The following CA12 variants were observed in gnomAD, a reference collection of about 807,000 sequenced individuals.
CA12 encodes the protein carbonate dehydratase XII.
A neutral mutation model predicts 46.8 loss-of-function variants in CA12; 36 were observed. The observed-to-expected ratio is 0.77, with a 90% CI of 0.59 to 1.02. The LOEUF is 1.02. CA12 is among the 50% of genes least tolerant of loss of function. The probability of loss-of-function intolerance (pLI) is 0.00; values close to 1 mark genes in which losing one functional copy is unlikely to be tolerated. For synonymous variants in CA12, 202 were observed against 187.0 expected (o/e 1.08, Z -0.65); for missense variants, 436 against 451.4 (o/e 0.97, Z 0.31).
At position 63,374,111 on chromosome 15, in the gene CA12, C is replaced by G. The variant is rs1281796742; in HGVS notation, c.106+1547G>C. On this transcript the variant is annotated intron_variant, in intron 2 of 10. Transcript: ENST00000178638. The surrounding 1 kb of genome is among the most constrained non-coding windows in gnomAD (Gnocchi z 4.4). Reference sequence around the variant, plus strand: ...CCTAAAACACAGACTTACTCCCTGCCCTGCCCCTCCAGGAGCAGGACAAAG... The same window carrying G: ...CCTAAAACACAGACTTACTCCCTGCGCTGCCCCTCCAGGAGCAGGACAAAG... Among the ~76,000 whole-genome samples, 1 of 152,154 alleles carries G rather than the reference C, an allele frequency of 6.6e-6. No individual in the cohort carries two copies. The highest frequency in any genetic ancestry group is 1.5e-5 in the Non-Finnish European group (1 of 68,032).
chr15:63,340,469 G>T lies in CA12; in HGVS notation c.590-24C>A, dbSNP rs1451769957. On this transcript the variant is annotated intron_variant, in intron 6 of 10. Transcript: ENST00000178638. This position sits in a 1 kb window ranked among gnomAD's most constrained non-coding sequence, Gnocchi z 4.4. Reference sequence around the variant, plus strand: ...GCCTAGAGAGACATGTTGCAGAGGTGATAGTGTCAGCCTCCCTCCGTAGGG... The same window carrying T: ...GCCTAGAGAGACATGTTGCAGAGGTTATAGTGTCAGCCTCCCTCCGTAGGG... 1 of 1,613,928 alleles carries T rather than the reference G, an allele frequency of 6.2e-7. No individual in the cohort carries two copies. Among genetic ancestry groups the T allele is most frequent in the Non-Finnish European group, 8.5e-7 (1 of 1,179,924 alleles).
rs368213519 is a variant in CA12 at position 63,381,735 on chromosome 15, G to A, written c.-15C>T. 2 of 1,561,790 alleles carry A rather than the reference G, an allele frequency of 1.3e-6. No homozygotes were observed. The highest frequency in any genetic ancestry group is 1.7e-6 in the Non-Finnish European group (2 of 1,152,864). Reference sequence around the variant, plus strand: ...CGCCGGGGCATCTTCGCGGGCTCCTGCGGGGCGGGCGCGGGCTGTGCCGGG... The same window carrying A: ...CGCCGGGGCATCTTCGCGGGCTCCTACGGGGCGGGCGCGGGCTGTGCCGGG... On this transcript the variant is annotated 5_prime_UTR_variant, in exon 1 of 11. Transcript: ENST00000178638.
intron 4 of CA12, among the ~76,000 whole-genome samples, chr15:63,344,447 A>G (rs2039119815): frequency 6.6e-6 from 1 of 152,224 alleles, no homozygotes; most frequent in African/African-American, 2.4e-5. Context: ...CACCTTCTTT[A>G]TTCCCCATGG....
At position 63,339,386 on chromosome 15, in the gene CA12, C is replaced by A. The variant is rs1288765913; in HGVS notation, c.748-441G>T. On this transcript the variant is annotated intron_variant, in intron 7 of 10. Transcript: ENST00000178638. The surrounding 1 kb of genome is among the most constrained non-coding windows in gnomAD (Gnocchi z 4.3). ...ATAAAGGAGGGAGTTAAGAGTTTCA[C>A]AGGCCATCTGATTGCGGGTTCCATG... Among the ~76,000 whole-genome samples, 1 of 152,192 alleles carries A rather than the reference C, an allele frequency of 6.6e-6. No homozygotes were observed. Among genetic ancestry groups the A allele is most frequent in the Non-Finnish European group, 1.5e-5 (1 of 68,036 alleles).
Position 63,322,116 on chromosome 15 carries a change from C to T in CA12, c.*4169G>A, listed in dbSNP as rs1325597310. On this transcript the variant is annotated 3_prime_UTR_variant, in exon 11 of 11. Coordinates refer to ENST00000178638, the MANE Select transcript of CA12 (RefSeq NM_001218.5). The surrounding 1 kb of genome is among the most constrained non-coding windows in gnomAD (Gnocchi z 4.1). The stretch of plus-strand genomic sequence containing the variant: ...ATTTTAATAAGTTTACATCTAAAAG[C>T]CGATCATTGATTCCATTATTTGGAA... The T allele has an allele frequency of 6.6e-6, 1 of 152,220 alleles. No homozygotes were observed. Among genetic ancestry groups the T allele is most frequent in the Non-Finnish European group, 1.5e-5 (1 of 68,032 alleles). The allele number at this position is 152,220 out of a possible 1,614,324, so 9.4% of individuals were successfully genotyped here.
At position 63,331,024 on chromosome 15, in the gene CA12, C is replaced by T. The variant is rs137993205; in HGVS notation, c.875-2894G>A. On this transcript the variant is annotated intron_variant, in intron 8 of 10. Transcript: ENST00000178638. This position sits in a 1 kb window ranked among gnomAD's most constrained non-coding sequence, Gnocchi z 5.3. Reference sequence around the variant, plus strand: ...AGCTGTTAAGGAAGAGGAATGCCGGCGAGGGTGTCACCCGATAGTTCCACC... The same window carrying T: ...AGCTGTTAAGGAAGAGGAATGCCGGTGAGGGTGTCACCCGATAGTTCCACC... Among the ~76,000 whole-genome samples the T allele has an allele frequency of 3.3e-3, 505 of 152,330 alleles. No individual in the cohort carries two copies. The highest frequency in any genetic ancestry group is 0.011 in the African/African-American group (475 of 41,578).
At chr15:63,344,765 T>G (rs1226724644) in intron 4 of CA12, among the ~76,000 whole-genome samples, 1 of 152,020 alleles carries the variant, frequency 6.6e-6, no homozygotes, top group African/African-American at 2.4e-5. Context: ...GCTATTGGAG[T>G]GCCAAAATGG....
chr15:63,325,978 G>A lies in CA12; in HGVS notation c.*307C>T, dbSNP rs2038860491. 1 of 399,900 alleles carries A rather than the reference G, an allele frequency of 2.5e-6. No homozygotes were observed. Among genetic ancestry groups the A allele is most frequent in the Non-Finnish European group, 4.7e-6 (1 of 213,176 alleles). The allele number at this position is 399,900 out of a possible 1,614,324, so 24.8% of individuals were successfully genotyped here. A position where few individuals can be genotyped will look rare whatever the true frequency, so the allele number is the denominator to read the frequency against. ...TGAAAGTGTTTTCCAACCATTAATGGCCCACCAGCATGGCTTGGTTTGTGA... is the reference window on the plus strand; with the variant it reads ...TGAAAGTGTTTTCCAACCATTAATGACCCACCAGCATGGCTTGGTTTGTGA... On this transcript the variant is annotated 3_prime_UTR_variant, in exon 11 of 11. Transcript: ENST00000178638. The surrounding 1 kb of genome is among the most constrained non-coding windows in gnomAD (Gnocchi z 4.9).
intron 10 of CA12, among the ~76,000 whole-genome samples, chr15:63,326,899 T>C (rs1157691339): frequency 6.6e-6 from 1 of 152,194 alleles, no homozygotes; most frequent in South Asian, 2.1e-4. Context: ...GGCCATGCAA[T>C]AGCAGCAAGC....
In CA12 at chr15:63,341,805, G is replaced by T. The variant is rs1287381927; in HGVS notation, c.525+197C>A. Among the ~76,000 whole-genome samples, 2 of 152,194 alleles carry T rather than the reference G, an allele frequency of 1.3e-5. No individual in the cohort carries two copies. The highest frequency in any genetic ancestry group is 4.8e-5 in the African/African-American group (2 of 41,450). On this transcript the variant is annotated intron_variant, in intron 5 of 10. Coordinates refer to ENST00000178638, the MANE Select transcript of CA12 (RefSeq NM_001218.5). The surrounding 1 kb of genome is among the most constrained non-coding windows in gnomAD (Gnocchi z 5.2). ...GGACCAAAGAACATTCCCCATTTCT[G>T]CTGCCCAGGCACAGAAAGTGCTGCC...
In CA12 at chr15:63,346,627, G is replaced by A. The variant is rs140053676; in HGVS notation, c.189C>T (p.Asp63=). The part of the protein sequence containing the change: ...LLQSPIDLHS[D]ILQYDASLTP... ...TGAGGCTGGCGTCATACTGGAGGAT[G>A]TCACTGTGCAGGTCTATGGGGGACT... The change falls in exon 3 of 11, where the codon GAC becomes GAT. Residue 63 remains aspartate (D), a synonymous_variant. Coordinates refer to ENST00000178638, the MANE Select transcript of CA12 (RefSeq NM_001218.5). 6 of 1,613,870 alleles carry A rather than the reference G, an allele frequency of 3.7e-6. No individual in the cohort carries two copies. The highest frequency in any genetic ancestry group is 5.1e-6 in the Non-Finnish European group (6 of 1,179,948).
intron 1 of CA12, among the ~76,000 whole-genome samples, chr15:63,377,477 C>T (rs893196954): frequency 3.7e-5 from 5 of 135,896 alleles, no homozygotes; most frequent in Middle Eastern, 3.3e-3. Flanking sequence ...GTGAACTTGG[C>T]TTTTTTTTTA....
intron 4 of CA12, among the ~76,000 whole-genome samples, chr15:63,343,828 G>A (rs891331197): frequency 5.3e-5 from 8 of 151,928 alleles, no homozygotes; most frequent in South Asian, 2.1e-4. Context: ...AATAAATCTC[G>A]AGACCCCCAA....
At chr15:63,375,079 C>A (rs1285625342) in intron 2 of CA12, among the ~76,000 whole-genome samples, 1 of 152,176 alleles carries the variant, frequency 6.6e-6, no homozygotes, top group Non-Finnish European at 1.5e-5. Context: ...TGGAGACCGT[C>A]CCACAGAAAG....
In CA12 at chr15:63,381,707, C is replaced by T; in HGVS notation, c.14G>A (p.Ser5Asn). 6.2e-7 allele frequency: 1 copy of T among 1,606,034 alleles called. No individual in the cohort carries two copies. The highest frequency in any genetic ancestry group is 8.5e-7 in the Non-Finnish European group (1 of 1,176,338). ...CAGGAGCACGGCCGCCGCGTGCAGG[C>T]TGCGCCGGGGCATCTTCGCGGGCTC... MPRR[S>N]LHAAAVLLLV... The change falls in exon 1 of 11, where the codon AGC (serine) becomes AAC (asparagine). Residue 5 changes from serine (S) to asparagine (N), a missense_variant. Transcript: ENST00000178638.
chr15:63,374,926 C>T lies in CA12; in HGVS notation c.106+732G>A, dbSNP rs1667574592. The stretch of plus-strand genomic sequence containing the variant: ...CCCCAACAAGACATTATCAACATTC[C>T]CGCACTGGCCAGGGGACTCAGGTGT... On this transcript the variant is annotated intron_variant, in intron 2 of 10. Coordinates refer to ENST00000178638, the MANE Select transcript of CA12 (RefSeq NM_001218.5). This position sits in a 1 kb window ranked among gnomAD's most constrained non-coding sequence, Gnocchi z 4.4. Among the ~76,000 whole-genome samples, 1 of 152,218 alleles carries T rather than the reference C, an allele frequency of 6.6e-6. No individual in the cohort carries two copies. Among genetic ancestry groups the T allele is most frequent in the African/African-American group, 2.4e-5 (1 of 41,444 alleles).
intron 2 of CA12, among the ~76,000 whole-genome samples, chr15:63,351,401 A>C (rs1041432778): frequency 4.6e-5 from 7 of 152,210 alleles, no homozygotes; most frequent in Admixed American, 2.0e-4. Flanking sequence ...CTTGGGTGGC[A>C]CCACCCCACC....
At chr15:63,365,222 C>T (rs556243546) in intron 2 of CA12, among the ~76,000 whole-genome samples, 1 of 152,322 alleles carries the variant, frequency 6.6e-6, no homozygotes, top group East Asian at 1.9e-4. Context: ...AACTGCTAAG[C>T]CTTTGATCCT....
rs548584773 is a variant in CA12 at position 63,378,713 on chromosome 15, T to A, written c.85+2923A>T. On this transcript the variant is annotated intron_variant, in intron 1 of 10. Transcript: ENST00000178638. The surrounding 1 kb of genome is among the most constrained non-coding windows in gnomAD (Gnocchi z 4.8). ...TTGTGTGAGAGGTTCATTATTAAGA[T>A]GTAATCCCAGACCTTAGAGATATAA... The A allele has an allele frequency of 8.5e-5, 13 of 152,236 alleles. No homozygotes were observed. Among genetic ancestry groups the A allele is most frequent in the Non-Finnish European group, 1.9e-4 (13 of 68,046 alleles). 9.4% of individuals were successfully genotyped at this position (152,236 alleles called of 1,614,324 possible).
Sources: gnomAD v4.1 joint callset for allele counts (sites outside exome capture counted in the v4.1 genomes callset) on GRCh38, gnomAD v4.1.1 for gene constraint, Gnocchi (gnomAD v3.1) non-coding constraint, MANE v1.5 for transcripts, NCBI Gene and HGNC (gene_info 2026-07-23, HGNC 2026-07-21) for gene names.